The following UQCC1 variants were observed in gnomAD, a reference collection of about 807,000 sequenced individuals.
UQCC1 encodes bFGF-repressed Zic-binding protein.
In UQCC1, 38 loss-of-function variants were observed where a neutral mutation model predicts 48.0. That is an observed-to-expected ratio of 0.79 (90% CI 0.61 to 1.04). The LOEUF is 1.04. Ranked by LOEUF, UQCC1 falls within the 50% of genes least tolerant of loss-of-function variation. The pLI, the probability that UQCC1 is intolerant of heterozygous loss-of-function variation, is 0.00. For missense variants in UQCC1, 368 were observed against 381.8 expected (o/e 0.96, Z 0.30); for synonymous variants, 111 against 129.2 (o/e 0.86, Z 0.95).
intron 7 of UQCC1, among the ~76,000 whole-genome samples, chr20:35,322,071 G>A (rs1239536965): frequency 6.6e-6 from 1 of 152,142 alleles, no homozygotes; most frequent in East Asian, 1.9e-4. Flanking sequence ...TCTCTTTTAG[G>A]GCATTTGAAT....
intron 6 of UQCC1, among the ~76,000 whole-genome samples, chr20:35,358,304 A>G (rs1297539231): frequency 7.2e-6 from 1 of 138,702 alleles, no homozygotes. Flanking sequence ...CAGTGAGCCG[A>G]GACTGTGCCA....
intron 5 of UQCC1, among the ~76,000 whole-genome samples, chr20:35,368,243 A>G (rs1367407654): frequency 1.6e-4 from 25 of 152,212 alleles, no homozygotes; most frequent in Non-Finnish European, 7.3e-5. Context: ...CATGAGGTAC[A>G]TTAACAGCAC....
chr20:35,314,736 C>A lies in UQCC1; in HGVS notation c.603G>T (p.Met201Ile). 1 of 1,607,998 alleles carries A rather than the reference C, an allele frequency of 6.2e-7. No homozygotes were observed. Among genetic ancestry groups the A allele is most frequent in the South Asian group, 1.1e-5 (1 of 90,582 alleles). The change falls in exon 8 of 10, where the codon ATG becomes ATT. Residue 201 changes from methionine to isoleucine, a missense_variant. Coordinates refer to ENST00000374385, the MANE Select transcript of UQCC1 (RefSeq NM_018244.5). Reference protein sequence around the residue: ...GVNPYILKKNMILMTNHFYAA... With the variant: ...GVNPYILKKNIILMTNHFYAA... ...CATAGAAATGATTTGTCATGAGGAT[C>A]ATGTTCTTCTTCAGGATATAGGGAT...
At chr20:35,306,565 A>C in intron 9 of UQCC1, 101 bp downstream of exon 9, 1 of 874,020 alleles carries the variant, frequency 1.1e-6, no homozygotes, top group Non-Finnish European at 1.9e-6. Context: ...GAATTCTCTC[A>C]GGCTGGTCCT....
chr20:35,332,200 A>G (rs2061265469), intron 7 of UQCC1, among the ~76,000 whole-genome samples: 1 of 152,188 alleles, frequency 6.6e-6, no homozygotes, highest in Non-Finnish European at 1.5e-5. Flanking sequence ...ATTTTGGGGG[A>G]ATGGCCTGTT....
intron 1 of UQCC1, among the ~76,000 whole-genome samples, chr20:35,403,863 A>G (rs1202631599): frequency 6.6e-6 from 1 of 152,218 alleles, no homozygotes; most frequent in Non-Finnish European, 1.5e-5. Context: ...TTGAACAATG[A>G]GAACACTTGG....
intron 1 of UQCC1, among the ~76,000 whole-genome samples, chr20:35,408,506 G>A (rs1240558301): frequency 6.6e-6 from 1 of 152,204 alleles, no homozygotes; most frequent in Non-Finnish European, 1.5e-5. Flanking sequence ...TGCACTGCTA[G>A]TGAGAATGTA....
intron 1 of UQCC1, among the ~76,000 whole-genome samples, chr20:35,408,074 A>G (rs1262768417): frequency 6.6e-6 from 1 of 152,188 alleles, no homozygotes; most frequent in Non-Finnish European, 1.5e-5. Context: ...CACTAGAGAA[A>G]TGTAAATCAA....
At chr20:35,337,529 GC>G (rs1458394419) in intron 7 of UQCC1, among the ~76,000 whole-genome samples, 1 of 152,160 alleles carries the variant, frequency 6.6e-6, no homozygotes, top group Non-Finnish European at 1.5e-5. Flanking sequence ...TGCTGAGGCT[GC>G]TGGTCTGGGG....
chr20:35,399,359 C>A (rs1458665896), intron 1 of UQCC1, among the ~76,000 whole-genome samples: 1 of 152,208 alleles, frequency 6.6e-6, no homozygotes, highest in Non-Finnish European at 1.5e-5. Context: ...AACTTAAACA[C>A]CTGGTCCTTA....
chr20:35,330,303 C>T (rs947096484), intron 7 of UQCC1, among the ~76,000 whole-genome samples: 14 of 152,232 alleles, frequency 9.2e-5, no homozygotes, highest in Non-Finnish European at 1.6e-4. Flanking sequence ...CTATATGACA[C>T]TGACCAAGCC....
At chr20:35,316,860 G>A (rs1045216701) in intron 7 of UQCC1, among the ~76,000 whole-genome samples, 2 of 151,820 alleles carry the variant, frequency 1.3e-5, no homozygotes, top group East Asian at 1.9e-4. Flanking sequence ...GGATGGTCTC[G>A]ATCTCCTGAC....
intron 6 of UQCC1, among the ~76,000 whole-genome samples, chr20:35,361,646 G>A (rs1239826586): frequency 2.0e-5 from 3 of 152,096 alleles, no homozygotes; most frequent in African/African-American, 7.2e-5. Context: ...AAAGAGGAAA[G>A]CAACTTAATG....
chr20:35,410,375 T>C (rs527430492), intron 1 of UQCC1, among the ~76,000 whole-genome samples: 41 of 151,176 alleles, frequency 2.7e-4, no homozygotes, highest in African/African-American at 9.9e-4. Context: ...CTACTAAAAA[T>C]ACAAAAGTTA....
chr20:35,317,086 C>A (rs2061069465), intron 7 of UQCC1, among the ~76,000 whole-genome samples: 1 of 151,914 alleles, frequency 6.6e-6, no homozygotes, highest in African/African-American at 2.4e-5. Context: ...CAGGCACCTG[C>A]CACCACACCT....
intron 6 of UQCC1, among the ~76,000 whole-genome samples, chr20:35,358,533 T>C (rs1445449465): frequency 1.3e-5 from 2 of 152,112 alleles, no homozygotes; most frequent in Non-Finnish European, 2.9e-5. Context: ...ATAGACTGAA[T>C]CTGTGCAGAA....
intron 6 of UQCC1, among the ~76,000 whole-genome samples, chr20:35,348,925 G>A (rs563066631): frequency 1.3e-5 from 2 of 152,272 alleles, no homozygotes; most frequent in South Asian, 2.1e-4. Flanking sequence ...GAAGTGTGGG[G>A]ATTACAGGTG....
chr20:35,375,780 T>C (rs936320903), intron 4 of UQCC1, among the ~76,000 whole-genome samples: 7 of 151,400 alleles, frequency 4.6e-5, no homozygotes, highest in Non-Finnish European at 8.8e-5. Flanking sequence ...GCAAAACGTT[T>C]CCATCTCTAC....
chr20:35,305,955 TG>T (rs1334702154), intron 9 of UQCC1, among the ~76,000 whole-genome samples: 1 of 152,202 alleles, frequency 6.6e-6, no homozygotes, highest in Non-Finnish European at 1.5e-5. Flanking sequence ...TGGGAGGCCC[TG>T]GAAGAGCCTC....
Sources: gnomAD v4.1 joint callset for allele counts (sites outside exome capture counted in the v4.1 genomes callset) on GRCh38, gnomAD v4.1.1 for gene constraint, MANE v1.5 for transcripts, NCBI Gene and HGNC (gene_info 2026-07-23, HGNC 2026-07-21) for gene names.